The following BSPH1 variants were observed in gnomAD, a reference collection of about 807,000 sequenced individuals.
The protein encoded by BSPH1 is binder of sperm protein homolog 1, also known as binder of sperm 1.
A neutral mutation model predicts 22.5 loss-of-function variants in BSPH1; 21 were observed. That is an observed-to-expected ratio of 0.93 (90% CI 0.66 to 1.35). The LOEUF (loss-of-function observed/expected upper bound fraction) is 1.35, where lower values mean the gene tolerates loss of function less well. Among genes scored for constraint, BSPH1 ranks in the 40% most tolerant of loss-of-function variants. BSPH1 has a pLI of 0.00. For synonymous variants in BSPH1, 42 were observed against 53.6 expected, an observed-to-expected ratio of 0.78 and a Z score of 0.95; for missense variants, 141 against 154.2, an observed-to-expected ratio of 0.91 and a Z score of 0.45.
rs1307771821 is a variant in BSPH1 at position 47,983,458 on chromosome 19, C to T, written c.74-2517G>A. Among the ~76,000 whole-genome samples, 8 of 152,126 alleles carry T rather than the reference C, an allele frequency of 5.3e-5. No homozygotes were observed. In the East Asian group the frequency reaches 9.6e-4, roughly 18 times the overall value. On this transcript the variant is annotated intron_variant, in intron 1 of 5. Transcript: ENST00000344839. ...GATTTCATGAATGGGGAGATACAGACGAGTGATTCCAACATAGCCTGTCTG... is the reference window on the plus strand; with the variant it reads ...GATTTCATGAATGGGGAGATACAGATGAGTGATTCCAACATAGCCTGTCTG...
chr19:47,988,369 G>A (rs757090260), intron 1 of BSPH1, among the ~76,000 whole-genome samples: 1 of 152,112 alleles, frequency 6.6e-6, no homozygotes, highest in Non-Finnish European at 1.5e-5. Flanking sequence ...CAAGAATCAC[G>A]ATCCTCCTGT....
At chr19:47,986,283 G>C (rs113687872) in intron 1 of BSPH1, among the ~76,000 whole-genome samples, 2 of 152,154 alleles carry the variant, frequency 1.3e-5, no homozygotes, top group Admixed American at 6.5e-5. Context: ...CAAAACTTAC[G>C]AATCTAGAGA....
At chr19:47,975,950 C>T (rs769978788) in intron 5 of BSPH1, among the ~76,000 whole-genome samples, 19 of 152,032 alleles carry the variant, frequency 1.2e-4, no homozygotes, top group Admixed American at 4.6e-4. Flanking sequence ...CCACCGTGCC[C>T]GGCCAAGGTA....
intron 5 of BSPH1, among the ~76,000 whole-genome samples, chr19:47,970,013 G>A (rs1360272960): frequency 6.6e-6 from 1 of 151,912 alleles, no homozygotes; most frequent in Non-Finnish European, 1.5e-5. Context: ...GTTTGTGTGT[G>A]TGTGAGAGAG....
chr19:47,972,154 G>A (rs917784001), intron 5 of BSPH1, among the ~76,000 whole-genome samples: 1 of 152,082 alleles, frequency 6.6e-6, no homozygotes, highest in Non-Finnish European at 1.5e-5. Flanking sequence ...ATGTGTAAAC[G>A]GTGAGTGGAA....
chr19:47,969,035 G>A (rs377116254), intron 5 of BSPH1, among the ~76,000 whole-genome samples: 63 of 151,360 alleles, frequency 4.2e-4, no homozygotes, highest in Middle Eastern at 3.4e-3. Context: ...AATCACTGAC[G>A]GCTGCCTGGA....
chr19:47,969,340 T>C (rs889823431), intron 5 of BSPH1, among the ~76,000 whole-genome samples: 5 of 152,174 alleles, frequency 3.3e-5, no homozygotes, highest in Non-Finnish European at 7.3e-5. Flanking sequence ...GAGATTCTAT[T>C]TTGTTTTGCA....
At chr19:47,990,394 G>A (rs7259309) in intron 1 of BSPH1, among the ~76,000 whole-genome samples, 25,851 of 151,914 alleles carry the variant, frequency 0.17, 2,472 homozygotes, top group Non-Finnish European at 0.21. Flanking sequence ...CATTGACAGC[G>A]GAGAAGCTTT....
At chr19:47,984,324 T>G (rs763144392) in intron 1 of BSPH1, among the ~76,000 whole-genome samples, 2 of 151,424 alleles carry the variant, frequency 1.3e-5, no homozygotes, top group Non-Finnish European at 2.9e-5. Flanking sequence ...AAACTGGCTT[T>G]CTTTATGACC....
At chr19:47,989,414 G>C (rs59162618) in intron 1 of BSPH1, among the ~76,000 whole-genome samples, 26,322 of 151,858 alleles carry the variant, frequency 0.17, 2,529 homozygotes, top group Non-Finnish European at 0.21. Context: ...AAAGTGCTGG[G>C]ATTACAGGTG....
At chr19:47,985,091 A>G (rs1224445884) in intron 1 of BSPH1, among the ~76,000 whole-genome samples, 1 of 151,798 alleles carries the variant, frequency 6.6e-6, no homozygotes, top group Non-Finnish European at 1.5e-5. Context: ...AAGAAAAAGA[A>G]AAAGAAAACT....
intron 1 of BSPH1, among the ~76,000 whole-genome samples, chr19:47,982,565 G>C (rs1239088888): frequency 6.6e-6 from 1 of 152,158 alleles, no homozygotes; most frequent in Non-Finnish European, 1.5e-5. Context: ...AGAATCACCA[G>C]CTGAGTTTTT....
At chr19:47,982,705 CAT>C (rs764755016) in intron 1 of BSPH1, among the ~76,000 whole-genome samples, 122 of 152,196 alleles carry the variant, frequency 8.0e-4, no homozygotes, top group Non-Finnish European at 1.3e-3. Context: ...AAAGAACCCA[CAT>C]GTCCGTGAGC....
chr19:47,978,015 T>TATATAG (rs1239581867), intron 3 of BSPH1, among the ~76,000 whole-genome samples: 2 of 145,316 alleles, frequency 1.4e-5, no homozygotes, highest in African/African-American at 5.0e-5. Flanking sequence ...TATATATATA[T>TATATAG]ATATATATAT....
chr19:47,967,308 C>T (rs973224324), downstream of BSPH1, among the ~76,000 whole-genome samples: 2 of 152,308 alleles, frequency 1.3e-5, no homozygotes, highest in African/African-American at 4.8e-5. Context: ...GCAAAGGATA[C>T]GATTTCATTC....
chr19:47,991,125 G>A (rs1969518715), intron 1 of BSPH1, among the ~76,000 whole-genome samples: 1 of 152,140 alleles, frequency 6.6e-6, no homozygotes, highest in African/African-American at 2.4e-5. Context: ...ACATACAGCA[G>A]CCGATGTGCA....
chr19:47,969,422 C>T (rs1026026548), intron 5 of BSPH1, among the ~76,000 whole-genome samples: 2 of 152,038 alleles, frequency 1.3e-5, no homozygotes, highest in Admixed American at 6.6e-5. Context: ...TAGGAGATAA[C>T]TCAGGACTGG....
chr19:47,987,536 C>A (rs1347238493), intron 1 of BSPH1, among the ~76,000 whole-genome samples: 1 of 152,080 alleles, frequency 6.6e-6, no homozygotes, highest in Non-Finnish European at 1.5e-5. Flanking sequence ...CAGGCACACA[C>A]TACCATAGCT....
intron 1 of BSPH1, among the ~76,000 whole-genome samples, chr19:47,984,842 T>G (rs931262131): frequency 2.6e-5 from 4 of 151,924 alleles, no homozygotes; most frequent in African/African-American, 4.8e-5. Flanking sequence ...TTTGGGAAGC[T>G]GAGGTGGACT....
Sources: gnomAD v4.1 joint callset for allele counts (sites outside exome capture counted in the v4.1 genomes callset) on GRCh38, gnomAD v4.1.1 for gene constraint, MANE v1.5 for transcripts, NCBI Gene and HGNC (gene_info 2026-07-23, HGNC 2026-07-21) for gene names.